STPG1: variants seen among roughly 807,000 people sequenced by gnomAD.
STPG1 encodes sperm tail PG-rich repeat containing 1, also known as O(6)-methylguanine-induced apoptosis 2.
STPG1 carries 33 observed loss-of-function variants against 40.1 expected under a neutral mutation model. The observed-to-expected ratio is 0.82, with a 90% CI of 0.62 to 1.10. STPG1 has a LOEUF of 1.10. Ranked by LOEUF, STPG1 falls within the 50% of genes least tolerant of loss-of-function variation. The pLI is 0.00. For missense variants in STPG1, 396 were observed against 415.1 expected (o/e 0.95, Z 0.40); for synonymous variants, 150 against 155.0 (o/e 0.97, Z 0.24).
At chr1:24,371,078 TG>T (rs1012689504) in intron 6 of STPG1, among the ~76,000 whole-genome samples, 2 of 152,100 alleles carry the variant, frequency 1.3e-5, no homozygotes, top group African/African-American at 4.8e-5. Flanking sequence ...TGACCAAAAC[TG>T]GGGTGAAGAG....
intron 6 of STPG1, among the ~76,000 whole-genome samples, chr1:24,370,122 A>C (rs1641667539): frequency 6.6e-6 from 1 of 152,220 alleles, no homozygotes; most frequent in South Asian, 2.1e-4. Flanking sequence ...GAGATTGTTA[A>C]ATAATTTGCC....
Position 24,383,994 on chromosome 1 carries a change from G to C in STPG1, c.199C>G (p.Pro67Ala). The change falls in exon 4 of 9, where the codon CCA becomes GCA. Residue 67 changes from proline to alanine, a missense_variant. Physicochemically the swap from Pro to Ala is conservative, Grantham distance 27. Transcript: ENST00000337248. ...ATAACATTGTAGAACCCAGGTCCTGGGATATCATTCTGAAAGGGAAGAGAA... is the reference window on the plus strand; with the variant it reads ...ATAACATTGTAGAACCCAGGTCCTGCGATATCATTCTGAAAGGGAAGAGAA... ...KRFPHKKNDI[P>A]GPGFYNVIHQ... 1.9e-6 allele frequency: 3 copies of C among 1,610,062 alleles called. No individual in the cohort carries two copies. The highest frequency in any genetic ancestry group is 2.6e-6 in the Non-Finnish European group (3 of 1,176,296).
intron 7 of STPG1, chr1:24,364,210 C>A (rs1233923407): frequency 1.1e-4 from 172 of 1,540,442 alleles, no homozygotes; most frequent in Non-Finnish European, 1.5e-4. Flanking sequence ...CCACCCACGC[C>A]TGTCTCGCCA....
At chr1:24,386,904 G>A (rs1570052032) in intron 3 of STPG1, among the ~76,000 whole-genome samples, 1 of 152,202 alleles carries the variant, frequency 6.6e-6, no homozygotes, top group African/African-American at 2.4e-5. Context: ...CTCTAGGGAA[G>A]CCCTACCCAC....
intron 6 of STPG1, 89 bp downstream of exon 6, chr1:24,373,613 A>G: frequency 2.3e-6 from 2 of 875,378 alleles, no homozygotes. Flanking sequence ...AATCCTTCCA[A>G]AGACTCCCTG....
At chr1:24,389,717 G>A (rs509526) in intron 3 of STPG1, among the ~76,000 whole-genome samples, 89,615 of 151,938 alleles carry the variant, frequency 0.59, 26,546 homozygotes, top group East Asian at 0.76. Flanking sequence ...CAAATATCCT[G>A]GAGAGGGACA....
intron 4 of STPG1, among the ~76,000 whole-genome samples, chr1:24,383,485 C>T (rs1379891511): frequency 6.6e-6 from 1 of 152,142 alleles, no homozygotes; most frequent in African/African-American, 2.4e-5. Context: ...GGCCCACTGC[C>T]GGCTTTCTTT....
intron 5 of STPG1, among the ~76,000 whole-genome samples, chr1:24,376,429 C>T (rs948126223): frequency 2.6e-5 from 4 of 151,678 alleles, no homozygotes; most frequent in Non-Finnish European, 5.9e-5. Flanking sequence ...TTATGATGAG[C>T]GTGTATTATT....
At chr1:24,361,325 A>G (rs1416561116) in intron 7 of STPG1, among the ~76,000 whole-genome samples, 1 of 152,210 alleles carries the variant, frequency 6.6e-6, no homozygotes, top group African/African-American at 2.4e-5. Context: ...CCTGGCACAC[A>G]GTGAGAGCTC....
chr1:24,368,234 C>T (rs986983447), intron 7 of STPG1, among the ~76,000 whole-genome samples: 3 of 152,178 alleles, frequency 2.0e-5, no homozygotes, highest in East Asian at 1.9e-4. Context: ...ATCTTAAGTT[C>T]GACTTGGCAG....
intron 7 of STPG1, chr1:24,369,378 C>T (rs1641622269): frequency 1.8e-6 from 1 of 541,756 alleles, no homozygotes; most frequent in Admixed American, 2.2e-5. Flanking sequence ...GGGCAAATGT[C>T]CCGCCAAATC....
At chr1:24,400,609 C>T (rs762618714) in intron 2 of STPG1, among the ~76,000 whole-genome samples, 1 of 152,144 alleles carries the variant, frequency 6.6e-6, no homozygotes, top group African/African-American at 2.4e-5. Flanking sequence ...AGAGCAGCAG[C>T]GACTCTGGAA....
intron 5 of STPG1, among the ~76,000 whole-genome samples, chr1:24,375,255 C>T (rs545929015): frequency 2.0e-5 from 3 of 152,124 alleles, no homozygotes; most frequent in African/African-American, 7.2e-5. Flanking sequence ...TGCCAATTTG[C>T]GGTCTCCTGT....
chr1:24,398,899 A>G (rs1381344299), intron 2 of STPG1, among the ~76,000 whole-genome samples: 1 of 152,108 alleles, frequency 6.6e-6, no homozygotes, highest in Non-Finnish European at 1.5e-5. Context: ...AAAGATGTAA[A>G]TTATCCTTAA....
chr1:24,380,274 T>C (rs1642225183), intron 4 of STPG1, among the ~76,000 whole-genome samples: 1 of 152,160 alleles, frequency 6.6e-6, no homozygotes, highest in Non-Finnish European at 1.5e-5. Context: ...CAAACAAAGC[T>C]CCAGGGGGCT....
At chr1:24,383,346 C>G (rs1642370561) in intron 4 of STPG1, among the ~76,000 whole-genome samples, 1 of 152,108 alleles carries the variant, frequency 6.6e-6, no homozygotes, top group Admixed American at 6.5e-5. Flanking sequence ...TTTTAAGAAG[C>G]CTATCTTTGC....
At chr1:24,396,719 A>T (rs116277402) in intron 2 of STPG1, among the ~76,000 whole-genome samples, 3,697 of 152,318 alleles carry the variant, frequency 0.024, 154 homozygotes, top group African/African-American at 0.084. Flanking sequence ...TAATAGGCTA[A>T]CAAAGGAGAT....
intron 7 of STPG1, among the ~76,000 whole-genome samples, chr1:24,365,864 T>C (rs1365448185): frequency 1.3e-5 from 2 of 152,158 alleles, no homozygotes; most frequent in African/African-American, 4.8e-5. Context: ...GGAGGTTCCA[T>C]GGTACTGACT....
intron 7 of STPG1, chr1:24,364,187 A>G (rs1434750524): frequency 6.7e-7 from 1 of 1,490,692 alleles, no homozygotes; most frequent in Admixed American, 2.5e-5. Flanking sequence ...TCTTCCAGGG[A>G]AACTTCTCTC....
Sources: gnomAD v4.1 joint callset for allele counts (sites outside exome capture counted in the v4.1 genomes callset) on GRCh38, gnomAD v4.1.1 for gene constraint, MANE v1.5 for transcripts, NCBI Gene and HGNC (gene_info 2026-07-23, HGNC 2026-07-21) for gene names.